The following MGMT variants were observed in gnomAD, a reference collection of about 807,000 sequenced individuals.
MGMT encodes the protein O-6-methylguanine-DNA methyltransferase, also known as methylated-DNA--protein-cysteine methyltransferase.
Under a neutral mutation model 15.9 loss-of-function variants are expected in MGMT, and 14 were observed. That is an observed-to-expected ratio of 0.88 (90% CI 0.58 to 1.37). The LOEUF (loss-of-function observed/expected upper bound fraction) is 1.37. MGMT is among the 40% of genes most tolerant of loss of function. MGMT has a pLI of 0.00. For missense variants in MGMT, 282 were observed against 268.1 expected (o/e 1.05, Z -0.36); for synonymous variants, 130 against 118.2 (o/e 1.10, Z -0.65).
chr10:129,516,219 G>A (rs528201415), intron 1 of MGMT, among the ~76,000 whole-genome samples: 1 of 152,356 alleles, frequency 6.6e-6, no homozygotes, highest in South Asian at 2.1e-4. Flanking sequence ...TTTGATGTCT[G>A]TATGGTGGGC....
chr10:129,569,631 G>C (rs1846394801), intron 2 of MGMT, among the ~76,000 whole-genome samples: 1 of 152,162 alleles, frequency 6.6e-6, no homozygotes, highest in East Asian at 1.9e-4. Context: ...GACCATGACT[G>C]TGGGCCAGTT....
chr10:129,472,489 A>G (rs1438338987), intron 1 of MGMT, among the ~76,000 whole-genome samples: 1 of 152,130 alleles, frequency 6.6e-6, no homozygotes, highest in Admixed American at 6.5e-5. Flanking sequence ...CCCCAGTCCA[A>G]TCCGAATCTG....
At chr10:129,680,097 A>G (rs1221891846) in intron 2 of MGMT, among the ~76,000 whole-genome samples, 1 of 152,236 alleles carries the variant, frequency 6.6e-6, no homozygotes, top group Non-Finnish European at 1.5e-5. Context: ...CGCAGACCCC[A>G]TACATTCCTC....
chr10:129,646,735 TATA>T (rs1324892423), intron 2 of MGMT, among the ~76,000 whole-genome samples: 8 of 103,668 alleles, frequency 7.7e-5, no homozygotes, highest in East Asian at 2.1e-4. Context: ...TATATATATA[TATA>T]TATATATATA....
intron 2 of MGMT, among the ~76,000 whole-genome samples, chr10:129,560,384 A>G (rs1313093105): frequency 4.6e-5 from 7 of 152,246 alleles, no homozygotes. Flanking sequence ...AATCTGTGGT[A>G]GACACAGCTC....
chr10:129,592,323 G>A (rs934852875), intron 2 of MGMT, among the ~76,000 whole-genome samples: 7 of 152,176 alleles, frequency 4.6e-5, no homozygotes, highest in African/African-American at 1.4e-4. Context: ...ACCTACTGCC[G>A]TGAGCTTAAC....
At chr10:129,570,097 G>A (rs953914701) in intron 2 of MGMT, among the ~76,000 whole-genome samples, 16 of 152,176 alleles carry the variant, frequency 1.1e-4, no homozygotes, top group Non-Finnish European at 1.6e-4. Context: ...AGCACCCTCC[G>A]CAGACCCTCA....
intron 1 of MGMT, among the ~76,000 whole-genome samples, chr10:129,495,433 G>A (rs868793363): frequency 2.6e-5 from 4 of 152,256 alleles, no homozygotes; most frequent in Admixed American, 6.5e-5. Context: ...TATTACAGTC[G>A]GTGCATTTTT....
intron 2 of MGMT, among the ~76,000 whole-genome samples, chr10:129,578,183 G>A (rs1206368654): frequency 1.3e-5 from 2 of 152,136 alleles, no homozygotes; most frequent in African/African-American, 4.8e-5. Flanking sequence ...CTATTACTGA[G>A]TATATACCCA....
rs1589979680 is a variant in MGMT at position 129,759,241 on chromosome 10, T to C, written c.314T>C (p.Val105Ala). The change falls in exon 4 of 5, where the codon GTT becomes GCT. Residue 105 changes from valine (V) to alanine (A), a missense_variant. Coordinates refer to ENST00000651593, the MANE Select transcript of MGMT (RefSeq NM_002412.5). ...TRQVLWKLLKVVKFGEVISYQ... is the reference protein window; with the variant it reads ...TRQVLWKLLKAVKFGEVISYQ... ...CAGGTGTTATGGAAGCTGCTGAAGG[T>C]TGTGAAATTCGGAGAAGTGATTTCT... The C allele has an allele frequency of 1.2e-6, 2 of 1,613,778 alleles. No individual in the cohort carries two copies. The highest frequency in any genetic ancestry group is 1.7e-6 in the Non-Finnish European group (2 of 1,180,018).
At chr10:129,548,365 A>G (rs746379841) in intron 2 of MGMT, among the ~76,000 whole-genome samples, 1 of 152,232 alleles carries the variant, frequency 6.6e-6, no homozygotes, top group Non-Finnish European at 1.5e-5. Flanking sequence ...AGATACCCCA[A>G]AAGTAGCCTC....
chr10:129,615,992 T>C (rs1847021431), intron 2 of MGMT, among the ~76,000 whole-genome samples: 1 of 151,810 alleles, frequency 6.6e-6, no homozygotes, highest in South Asian at 2.1e-4. Context: ...CAGATGGGGG[T>C]GGGGTGGGTC....
intron 2 of MGMT, among the ~76,000 whole-genome samples, chr10:129,684,612 C>T (rs1847886203): frequency 6.6e-6 from 1 of 152,148 alleles, no homozygotes; most frequent in South Asian, 2.1e-4. Flanking sequence ...CAGCCAACAG[C>T]ATTGAAAGGA....
chr10:129,592,979 A>G (rs1846706148), intron 2 of MGMT, among the ~76,000 whole-genome samples: 1 of 152,168 alleles, frequency 6.6e-6, no homozygotes. Flanking sequence ...AGTCCTCATG[A>G]TGCTTAAGGG....
chr10:129,495,150 T>G (rs1845507828), intron 1 of MGMT, among the ~76,000 whole-genome samples: 1 of 152,230 alleles, frequency 6.6e-6, no homozygotes, highest in Non-Finnish European at 1.5e-5. Context: ...ACAATTTACA[T>G]TTATGATTCT....
intron 3 of MGMT, among the ~76,000 whole-genome samples, chr10:129,709,970 C>A (rs554828164): frequency 2.6e-5 from 4 of 152,232 alleles, no homozygotes; most frequent in Non-Finnish European, 4.4e-5. Flanking sequence ...ACTGAACCCC[C>A]GCTGAGCCTT....
chr10:129,624,854 A>T (rs1340927217), intron 2 of MGMT, among the ~76,000 whole-genome samples: 2 of 152,216 alleles, frequency 1.3e-5, no homozygotes, highest in Admixed American at 6.5e-5. Context: ...GCAGGCACCC[A>T]CATGAAGCGG....
intron 1 of MGMT, among the ~76,000 whole-genome samples, chr10:129,478,957 T>C (rs1436497181): frequency 6.6e-6 from 1 of 152,232 alleles, no homozygotes; most frequent in Non-Finnish European, 1.5e-5. Context: ...GGTCATCTTA[T>C]CCTGTAATTA....
chr10:129,716,504 T>A lies in MGMT; in HGVS notation c.274+8461T>A, dbSNP rs1475392780. ...TCCCCCGCCTGCCAAGCAACCTGAT[T>A]TTCTCTTCAGCCTTTCCTCACTTAG... On this transcript the variant is annotated intron_variant, in intron 3 of 4. Transcript: ENST00000651593. 2.6e-5 allele frequency among the ~76,000 whole-genome samples: 4 copies of A among 152,202 alleles called. No homozygotes were observed. In the East Asian group the frequency reaches 7.7e-4, roughly 29 times the overall value.
Sources: gnomAD v4.1 joint callset for allele counts (sites outside exome capture counted in the v4.1 genomes callset) on GRCh38, gnomAD v4.1.1 for gene constraint, MANE v1.5 for transcripts, NCBI Gene and HGNC (gene_info 2026-07-23, HGNC 2026-07-21) for gene names.